The following SLC25A14 variants were observed in gnomAD, a reference collection of about 807,000 sequenced individuals.
The protein encoded by SLC25A14 is solute carrier family 25 member 14, also known as brain mitochondrial carrier protein 1.
Under a neutral mutation model 28.1 loss-of-function variants are expected in SLC25A14, and 8 were observed. That is an observed-to-expected ratio of 0.28 (90% confidence interval 0.17 to 0.51). The LOEUF is 0.51. Among genes scored for constraint, SLC25A14 ranks in the 20% least tolerant of loss-of-function variants. The pLI, the probability that SLC25A14 is intolerant of heterozygous loss-of-function variation, is 0.97. For missense variants in SLC25A14, 135 were observed against 263.8 expected, an observed-to-expected ratio of 0.51 and a Z score of 3.38; for synonymous variants, 74 against 90.6, an observed-to-expected ratio of 0.82 and a Z score of 1.04.
intron 7 of SLC25A14, among the ~76,000 whole-genome samples, chrX:130,363,821 C>T (rs1384168217): frequency 2.7e-5 from 3 of 111,629 alleles, no homozygotes; most frequent in Non-Finnish European, 3.8e-5. Context: ...GCAGCCTCAG[C>T]CTCCCAGGCT....
intron 6 of SLC25A14, among the ~76,000 whole-genome samples, chrX:130,358,205 A>G (rs2033853462): frequency 8.9e-6 from 1 of 112,302 alleles, no homozygotes; most frequent in Non-Finnish European, 1.9e-5. Context: ...GTCAGCAAAT[A>G]CCATTGTACA....
intron 9 of SLC25A14, among the ~76,000 whole-genome samples, chrX:130,370,394 G>A (rs1476511604): frequency 1.8e-5 from 2 of 111,760 alleles, no homozygotes; most frequent in Non-Finnish European, 3.8e-5. Flanking sequence ...ATTTTTCAAT[G>A]TCTAACACAA....
At chrX:130,365,793 T>A (rs1168849875) in intron 9 of SLC25A14, 117 bp downstream of exon 9, 2 of 543,091 alleles carry the variant, frequency 3.7e-6, no homozygotes, top group African/African-American at 4.7e-5. Flanking sequence ...TCATATTTTT[T>A]TAGTAGCTTC....
chrX:130,365,099 A>G, intron 8 of SLC25A14: 1 of 806,315 alleles, frequency 1.2e-6, no homozygotes, highest in Non-Finnish European at 1.5e-6. Context: ...GGAATCAGAA[A>G]AAAAGGGGTA....
At chrX:130,368,440 C>T (rs2034178380) in intron 9 of SLC25A14, among the ~76,000 whole-genome samples, 1 of 111,996 alleles carries the variant, frequency 8.9e-6, no homozygotes, top group Non-Finnish European at 1.9e-5. Context: ...ATGTGCTAAG[C>T]ACTGTTCTAG....
intron 6 of SLC25A14, among the ~76,000 whole-genome samples, chrX:130,358,153 A>G (rs986212214): frequency 6.3e-5 from 7 of 111,487 alleles, no homozygotes; most frequent in African/African-American, 1.3e-4. Context: ...GTACTTCGCA[A>G]TTTTTTTTCT....
intron 7 of SLC25A14, among the ~76,000 whole-genome samples, chrX:130,360,946 C>T (rs760982945): frequency 9.0e-6 from 1 of 111,645 alleles, no homozygotes; most frequent in Non-Finnish European, 1.9e-5. Context: ...ATTTCTCCTT[C>T]CCCTAGCCCC....
intron 6 of SLC25A14, 23 bp from the exon 7 acceptor site, chrX:130,358,617 A>C (rs771945348): frequency 3.6e-5 from 36 of 1,002,041 alleles, no homozygotes; most frequent in Non-Finnish European, 1.3e-5. Context: ...ACAAAATAAG[A>C]TGTTCACCTC....
chrX:130,365,443 G>T lies in SLC25A14; in HGVS notation c.720-98G>T, dbSNP rs1000352631. 20 of 1,109,398 alleles carry T rather than the reference G, an allele frequency of 1.8e-5. No homozygotes were observed. In the African/African-American group the frequency reaches 3.0e-4, roughly 16 times the overall value. The allele number at this position is 1,109,398 out of a possible 1,213,427, so 91.4% of individuals were successfully genotyped here. The stretch of plus-strand genomic sequence containing the variant: ...GCCAAGTGCCAGGTTTTATCTGATG[G>T]GTCTGAGTTATATTGTACAGTTTAC... On this transcript the variant is annotated intron_variant, in intron 8 of 10. Transcript: ENST00000545805.
intron 6 of SLC25A14, among the ~76,000 whole-genome samples, chrX:130,354,656 T>C (rs2033735218): frequency 8.9e-6 from 1 of 111,946 alleles, no homozygotes; most frequent in Non-Finnish European, 1.9e-5. Flanking sequence ...GGCAAACTAC[T>C]GTCTGTGGGT....
In SLC25A14 at chrX:130,340,249, AC is replaced by A; in HGVS notation, c.-29del. 1 of 1,210,256 alleles carries A rather than the reference AC, an allele frequency of 8.3e-7. No individual in the cohort carries two copies. The highest frequency in any genetic ancestry group is 1.1e-6 in the Non-Finnish European group (1 of 894,279). ...ACGAGCTCGCTCTGACAGCTGAGGA[AC>A]TGGCAAGATCCTGCTACCCAGAGGG... On this transcript the variant is annotated 5_prime_UTR_variant, in exon 2 of 11. In the 5' UTR this introduces an upstream ATG that the reference lacks. Transcript: ENST00000545805.
intron 7 of SLC25A14, among the ~76,000 whole-genome samples, chrX:130,362,612 T>C (rs1321630890): frequency 8.9e-6 from 1 of 112,371 alleles, no homozygotes; most frequent in Non-Finnish European, 1.9e-5. Flanking sequence ...GAATTTGGCC[T>C]GGTGTGTATA....
chrX:130,356,916 C>G (rs2033811438), intron 6 of SLC25A14, among the ~76,000 whole-genome samples: 1 of 112,031 alleles, frequency 8.9e-6, no homozygotes, highest in African/African-American at 3.2e-5. Flanking sequence ...TGTCCCTTCA[C>G]TCTAGTGTGT....
At chrX:130,367,454 T>C (rs766915073) in intron 9 of SLC25A14, among the ~76,000 whole-genome samples, 4 of 111,775 alleles carry the variant, frequency 3.6e-5, no homozygotes, top group African/African-American at 1.3e-4. Flanking sequence ...CTCAGTTTGA[T>C]GTGCATGAGG....
intron 2 of SLC25A14, among the ~76,000 whole-genome samples, chrX:130,343,115 A>G (rs2033317021): frequency 8.9e-6 from 1 of 111,949 alleles, no homozygotes; most frequent in South Asian, 3.7e-4. Context: ...TCTGTAATAC[A>G]AAGAGTTGAA....
In SLC25A14 at chrX:130,370,813, C is replaced by T. The variant is rs1404153004; in HGVS notation, c.856-751C>T. 5.3e-5 allele frequency among the ~76,000 whole-genome samples: 6 copies of T among 112,252 alleles called. No homozygotes were observed. In the Admixed American group the frequency reaches 5.7e-4, roughly 11 times the overall value. On this transcript the variant is annotated intron_variant, in intron 9 of 10. Coordinates refer to ENST00000545805, the MANE Select transcript of SLC25A14 (RefSeq NM_001282195.2). The stretch of plus-strand genomic sequence containing the variant: ...AATATGCACTCCATGAGGGTAGAAA[C>T]TGCTGTATAGGTTACCTATTGCTGT...
chrX:130,365,240 G>A, intron 8 of SLC25A14: 1 of 842,518 alleles, frequency 1.2e-6, no homozygotes, highest in South Asian at 5.4e-5. Flanking sequence ...TGATGCTGTG[G>A]TTTGAAAAAT....
Position 130,345,194 on chromosome X carries a change from A to G in SLC25A14, c.88A>G (p.Thr30Ala), listed in dbSNP as rs1326949180. 5.0e-6 allele frequency: 6 copies of G among 1,194,951 alleles called. No homozygotes were observed. Among genetic ancestry groups the G allele is most frequent in the Non-Finnish European group, 6.8e-6 (6 of 880,204 alleles). The change falls in exon 3 of 11, where the codon ACC becomes GCC. Residue 30 changes from threonine to alanine, a missense_variant. Coordinates refer to ENST00000545805, the MANE Select transcript of SLC25A14 (RefSeq NM_001282195.2). ...TGTTTATTTTTAGCACCAGAAAAGT[A>G]CCACTGTAAGTCATGAGATGTCTGG... ...AVIVSGHQKS[T>A]TVSHEMSGLN...
chrX:130,358,801 T>G (rs2033872105), intron 7 of SLC25A14, 66 bp downstream of exon 7: 2 of 851,747 alleles, frequency 2.3e-6, no homozygotes, highest in Non-Finnish European at 3.4e-6. Context: ...GAATTTTTTT[T>G]TATATAAAGA....
Sources: allele counts gnomAD v4.1 joint callset (sites outside exome capture counted in the v4.1 genomes callset), GRCh38; gene constraint gnomAD v4.1.1; transcripts MANE v1.5; gene names NCBI Gene and HGNC (gene_info 2026-07-23, HGNC 2026-07-21).